CNST: variants seen among roughly 807,000 people sequenced by gnomAD.
The protein encoded by CNST is consortin.
A neutral mutation model predicts 72.4 loss-of-function variants in CNST; 39 were observed. The ratio of observed to expected loss-of-function variants is 0.54; its 90% confidence interval spans 0.42 to 0.70. The LOEUF (loss-of-function observed/expected upper bound fraction) is 0.70. Ranked by LOEUF, CNST falls within the 30% of genes least tolerant of loss-of-function variation. The probability of loss-of-function intolerance (pLI) is 0.00; values close to 1 mark genes in which losing one functional copy is unlikely to be tolerated. For missense variants in CNST, 871 were observed against 868.5 expected (o/e 1.00, Z -0.04); for synonymous variants, 332 against 320.1 (o/e 1.04, Z -0.40).
intron 2 of CNST, among the ~76,000 whole-genome samples, chr1:246,616,069 G>T (rs1663668935): frequency 6.6e-6 from 1 of 152,082 alleles, no homozygotes; most frequent in Admixed American, 6.6e-5. Context: ...TAGGTCACTT[G>T]GCTTTCACGG....
chr1:246,628,102 A>T (rs1479209996), intron 3 of CNST, among the ~76,000 whole-genome samples: 2 of 152,034 alleles, frequency 1.3e-5, no homozygotes, highest in Non-Finnish European at 2.9e-5. Context: ...CTGGGAGGCT[A>T]GGCCTGTCTC....
chr1:246,586,442 A>G (rs1661206611), intron 1 of CNST, among the ~76,000 whole-genome samples: 1 of 148,266 alleles, frequency 6.7e-6, no homozygotes, highest in Non-Finnish European at 1.5e-5. Context: ...ATATATATGC[A>G]AGCTATATCT....
intron 2 of CNST, among the ~76,000 whole-genome samples, chr1:246,610,114 C>T (rs1171581267): frequency 6.6e-6 from 1 of 151,930 alleles, no homozygotes; most frequent in Non-Finnish European, 1.5e-5. Context: ...AACCCCATCT[C>T]TACTAAAAAT....
At chr1:246,624,771 GCT>G (rs1192649809) in intron 3 of CNST, among the ~76,000 whole-genome samples, 2 of 152,094 alleles carry the variant, frequency 1.3e-5, no homozygotes, top group Admixed American at 1.3e-4. Flanking sequence ...TCAAATTTTT[GCT>G]CTGTTTTTTA....
intron 2 of CNST, among the ~76,000 whole-genome samples, chr1:246,592,357 G>A (rs1002235544): frequency 2.0e-4 from 30 of 152,142 alleles, no homozygotes; most frequent in African/African-American, 5.6e-4. Flanking sequence ...GTGCAGTGGC[G>A]TGTACCTGTA....
intron 2 of CNST, among the ~76,000 whole-genome samples, chr1:246,597,744 A>C (rs1277724140): frequency 1.3e-5 from 2 of 152,282 alleles, no homozygotes; most frequent in African/African-American, 4.8e-5. Context: ...TTGGATTTGA[A>C]TCTTGGTTAT....
intron 1 of CNST, among the ~76,000 whole-genome samples, chr1:246,568,206 T>A (rs1460444985): frequency 1.3e-5 from 2 of 152,244 alleles, no homozygotes; most frequent in Non-Finnish European, 2.9e-5. Context: ...ACAGTTATTT[T>A]AAAATGCACT....
At chr1:246,572,699 A>G (rs1660139856) in intron 1 of CNST, among the ~76,000 whole-genome samples, 1 of 152,040 alleles carries the variant, frequency 6.6e-6, no homozygotes, top group Non-Finnish European at 1.5e-5. Flanking sequence ...TTATTTATTT[A>G]TGTGTGTGAT....
At chr1:246,602,715 A>G (rs1237705624) in intron 2 of CNST, among the ~76,000 whole-genome samples, 1 of 152,200 alleles carries the variant, frequency 6.6e-6, no homozygotes, top group East Asian at 1.9e-4. Flanking sequence ...ACGGGGGCCC[A>G]TCTTAAAGGA....
rs573100012 is a variant in CNST at position 246,649,928 on chromosome 1, G to T, written c.1836+1891G>T. Among the ~76,000 whole-genome samples the T allele has an allele frequency of 6.6e-5, 10 of 151,384 alleles. No individual in the cohort carries two copies. The South Asian group carries it at 2.1e-3, about 32-fold the overall frequency. ...TCAGCTGTGTTGAAGATGCACAAGGGTCTTGTCGTGGATGTATCAAAGGTC... is the reference window on the plus strand; with the variant it reads ...TCAGCTGTGTTGAAGATGCACAAGGTTCTTGTCGTGGATGTATCAAAGGTC... On this transcript the variant is annotated intron_variant, in intron 9 of 10. Coordinates refer to ENST00000366513, the MANE Select transcript of CNST (RefSeq NM_152609.3).
At chr1:246,618,157 A>G (rs1663823858) in intron 2 of CNST, among the ~76,000 whole-genome samples, 1 of 152,228 alleles carries the variant, frequency 6.6e-6, no homozygotes, top group Admixed American at 6.5e-5. Flanking sequence ...GCTTCTTCAC[A>G]GTAATGGTCT....
chr1:246,589,959 GTTGT>G (rs1255301020), intron 1 of CNST, among the ~76,000 whole-genome samples: 23 of 152,250 alleles, frequency 1.5e-4, no homozygotes, highest in Non-Finnish European at 3.1e-4. Flanking sequence ...TTTTGATGGG[GTTGT>G]TTGTTTTTTT....
Position 246,604,723 on chromosome 1 carries a change from C to T in CNST, c.379+12782C>T, listed in dbSNP as rs191359839. On this transcript the variant is annotated intron_variant, in intron 2 of 10. Transcript: ENST00000366513. ...TTGCTGTATTGCTCATGCTGGAGTG[C>T]AATGGCGTGATCTCCGCCCACTGCA... Among the ~76,000 whole-genome samples, 415 of 152,258 alleles carry T rather than the reference C, an allele frequency of 2.7e-3. 4 individuals carry two copies. The highest frequency in any genetic ancestry group is 6.8e-3 in the Middle Eastern group (2 of 292).
intron 3 of CNST, among the ~76,000 whole-genome samples, chr1:246,630,955 A>C (rs550317607): frequency 6.6e-6 from 1 of 152,266 alleles, no homozygotes. Context: ...CGTGTTGGTC[A>C]GGCTGGTCTT....
intron 1 of CNST, among the ~76,000 whole-genome samples, chr1:246,575,869 TAAAA>T (rs942579471): frequency 6.6e-6 from 1 of 152,110 alleles, no homozygotes; most frequent in Non-Finnish European, 1.5e-5. Flanking sequence ...ATTTCAATGA[TAAAA>T]AATAATATAA....
intron 1 of CNST, among the ~76,000 whole-genome samples, chr1:246,574,205 C>G (rs1028426357): frequency 1.3e-5 from 2 of 152,110 alleles, no homozygotes; most frequent in Non-Finnish European, 2.9e-5. Context: ...CCGCGCCCGG[C>G]TAATTTTTTG....
Position 246,633,935 on chromosome 1 carries a change from A to G in CNST, c.628A>G (p.Met210Val). Residue 210 changes from methionine (M) to valine (V), a missense_variant, in exon 5 of 11, where the codon ATG becomes GTG. Coordinates refer to ENST00000366513, the MANE Select transcript of CNST (RefSeq NM_152609.3). ...YFQEEDYEKA[M>V]KFIQLERLYH... ...AATGTTCTATTCAGATGAGAAAGCA[A>G]TGAAATTCATTCAGCTAGAACGATT... 2.5e-6 allele frequency: 4 copies of G among 1,608,194 alleles called. No homozygotes were observed. The highest frequency in any genetic ancestry group is 1.3e-5 in the African/African-American group (1 of 74,930).
intron 9 of CNST, among the ~76,000 whole-genome samples, chr1:246,648,525 A>C (rs1353830066): frequency 6.6e-6 from 1 of 152,244 alleles, no homozygotes; most frequent in Non-Finnish European, 1.5e-5. Flanking sequence ...ATTAATTTTT[A>C]ACCTTATATT....
At position 246,566,614 on chromosome 1, in the gene CNST, A is replaced by G; in HGVS notation, c.-101A>G. 1 of 403,658 alleles carries G rather than the reference A, an allele frequency of 2.5e-6. No individual in the cohort carries two copies. The highest frequency in any genetic ancestry group is 4.4e-6 in the Non-Finnish European group (1 of 228,362). The allele number at this position is 403,658 out of a possible 1,614,324, so 25.0% of individuals were successfully genotyped here. ...CCGCCATGTCGCCGAGTGGGGCTGGAAACAGACCCGGCGCCCAGCGGTAGC... is the reference window on the plus strand; with the variant it reads ...CCGCCATGTCGCCGAGTGGGGCTGGGAACAGACCCGGCGCCCAGCGGTAGC... On this transcript the variant is annotated 5_prime_UTR_variant, in exon 1 of 11. Coordinates refer to ENST00000366513, the MANE Select transcript of CNST (RefSeq NM_152609.3).
Sources: allele counts gnomAD v4.1 joint callset (sites outside exome capture counted in the v4.1 genomes callset), GRCh38; gene constraint gnomAD v4.1.1; transcripts MANE v1.5; gene names NCBI Gene and HGNC (gene_info 2026-07-23, HGNC 2026-07-21).